The following DNAI4 variants were observed in gnomAD, a reference collection of about 807,000 sequenced individuals.
DNAI4 encodes the protein WD repeat domain 78.
A neutral mutation model predicts 105.8 loss-of-function variants in DNAI4; 85 were observed. That is an observed-to-expected ratio of 0.80 (90% CI 0.67 to 0.96). The LOEUF is 0.96. Among genes scored for constraint, DNAI4 ranks in the 40% least tolerant of loss-of-function variants. The pLI is 0.00. For missense variants in DNAI4, 1,014 were observed against 1,005.6 expected (o/e 1.01, Z -0.11); for synonymous variants, 352 against 331.5 (o/e 1.06, Z -0.67).
rs996215912 is a variant in DNAI4, at chr1:66,877,630, T to C, written c.644-2693A>G. ...ATTGCTATTTTATCATCATATAAAG[T>C]CCATATTTTATTCTAATTTCCTTAA... On this transcript the variant is annotated intron_variant, in intron 4 of 16. Transcript: ENST00000371026. Among the ~76,000 whole-genome samples the C allele has an allele frequency of 4.7e-4, 71 of 152,156 alleles. 4 individuals carry two copies.
chr1:66,913,258 A>C (rs1159161025), intron 1 of DNAI4, among the ~76,000 whole-genome samples: 1 of 152,168 alleles, frequency 6.6e-6, no homozygotes, highest in Non-Finnish European at 1.5e-5. Context: ...TAGAGTGCTC[A>C]GTGATGATGT....
intron 4 of DNAI4, among the ~76,000 whole-genome samples, chr1:66,875,568 G>A (rs1385057376): frequency 6.6e-6 from 1 of 152,100 alleles, no homozygotes; most frequent in Non-Finnish European, 1.5e-5. Context: ...AAATTCCATT[G>A]AGAATTGAGT....
Position 66,876,032 on chromosome 1 carries a change from T to C in DNAI4, c.644-1095A>G, listed in dbSNP as rs269400. Among the ~76,000 whole-genome samples the C allele has an allele frequency of 7.9e-3, 1,205 of 152,214 alleles. 15 individuals are homozygous for C. Among genetic ancestry groups the C allele is most frequent in the African/African-American group, 0.028 (1,159 of 41,556 alleles). On this transcript the variant is annotated intron_variant, in intron 4 of 16. Transcript: ENST00000371026. ...AGGTCAGGAAACAGAAAATTTTAAG[T>C]TGCAAATCTTCTTTAGTTTTGGGTG...
At chr1:66,873,084 T>C (rs893745780) in intron 5 of DNAI4, among the ~76,000 whole-genome samples, 6 of 152,154 alleles carry the variant, frequency 3.9e-5, no homozygotes, top group African/African-American at 1.2e-4. Flanking sequence ...ACATATTTTA[T>C]ATTCTATATC....
chr1:66,917,611 T>C (rs959177988), intron 1 of DNAI4, among the ~76,000 whole-genome samples: 2 of 152,262 alleles, frequency 1.3e-5, no homozygotes, highest in Non-Finnish European at 2.9e-5. Context: ...CTTTGTTTTT[T>C]AGTCTTCAAA....
chr1:66,818,988 A>T (rs1446650764), intron 16 of DNAI4, among the ~76,000 whole-genome samples: 1 of 152,052 alleles, frequency 6.6e-6, no homozygotes, highest in Non-Finnish European at 1.5e-5. Flanking sequence ...CCTATTGTAC[A>T]TGTGTAAGAT....
chr1:66,838,446 C>T (rs550592638), intron 9 of DNAI4, among the ~76,000 whole-genome samples: 6 of 152,338 alleles, frequency 3.9e-5, no homozygotes, highest in African/African-American at 1.4e-4. Context: ...GGATCTTAGA[C>T]TTTCCAGCCT....
At chr1:66,887,744 CG>C (rs1300111489) in intron 4 of DNAI4, among the ~76,000 whole-genome samples, 7 of 151,900 alleles carry the variant, frequency 4.6e-5, no homozygotes, top group Non-Finnish European at 1.0e-4. Context: ...GAGGCCAAGG[CG>C]GCGGATCACT....
At chr1:66,822,334 A>C in intron 16 of DNAI4, 27 bp downstream of exon 16, 2 of 1,572,522 alleles carry the variant, frequency 1.3e-6, no homozygotes, top group Non-Finnish European at 1.7e-6. Context: ...ATAAAATGAC[A>C]CAAATTTTTT....
chr1:66,857,961 A>G (rs184514435), intron 7 of DNAI4, among the ~76,000 whole-genome samples: 16 of 152,258 alleles, frequency 1.1e-4, no homozygotes, highest in South Asian at 8.3e-4. Context: ...AAACTCACTC[A>G]AGGAAAAATG....
intron 16 of DNAI4, among the ~76,000 whole-genome samples, chr1:66,819,346 T>C (rs1645578796): frequency 6.6e-6 from 1 of 152,212 alleles, no homozygotes; most frequent in Non-Finnish European, 1.5e-5. Flanking sequence ...CATTCTCTTA[T>C]TTTCCTTTTC....
chr1:66,888,252 A>G (rs1647310214), intron 4 of DNAI4, among the ~76,000 whole-genome samples: 1 of 152,066 alleles, frequency 6.6e-6, no homozygotes, highest in Non-Finnish European at 1.5e-5. Context: ...TTGAGACACA[A>G]CTATGGGAAT....
intron 3 of DNAI4, among the ~76,000 whole-genome samples, chr1:66,891,672 C>G (rs1476235070): frequency 2.0e-5 from 3 of 152,188 alleles, no homozygotes; most frequent in African/African-American, 4.8e-5. Context: ...CCATTTTGGC[C>G]AGGCTGGTCT....
Position 66,882,509 on chromosome 1 carries a change from GCTCT to G in DNAI4, c.644-7576_644-7573del, listed in dbSNP as rs145528588. 6.0e-5 allele frequency among the ~76,000 whole-genome samples: 9 copies of G among 150,448 alleles called. No homozygotes were observed. The South Asian group carries it at 6.3e-4, about 10-fold the overall frequency. The stretch of plus-strand genomic sequence containing the variant: ...AGTAAGATGTAAGGTCTGTGTCTAT[GCTCT>G]CTCTCTCTCTCTTTTTTTTTGCATA... On this transcript the variant is annotated intron_variant, in intron 4 of 16. Transcript: ENST00000371026.
chr1:66,906,346 C>G (rs1156334879), intron 1 of DNAI4, among the ~76,000 whole-genome samples: 1 of 152,082 alleles, frequency 6.6e-6, no homozygotes, highest in Non-Finnish European at 1.5e-5. Flanking sequence ...TTCTAGTACT[C>G]TGTAATATGG....
chr1:66,833,898 C>T (rs774413793), intron 12 of DNAI4, 93 bp downstream of exon 12: 17 of 1,461,654 alleles, frequency 1.2e-5, no homozygotes, highest in Non-Finnish European at 1.5e-5. Flanking sequence ...TTCTTATTGG[C>T]CAAACCAAAA....
At chr1:66,817,545 C>T (rs1452871104) in intron 16 of DNAI4, among the ~76,000 whole-genome samples, 1 of 151,768 alleles carries the variant, frequency 6.6e-6, no homozygotes, top group African/African-American at 2.4e-5. Flanking sequence ...TACACTCCAG[C>T]CTAGGCAAAA....
chr1:66,924,230 G>A (rs1650907446), intron 1 of DNAI4, among the ~76,000 whole-genome samples: 1 of 152,240 alleles, frequency 6.6e-6, no homozygotes, highest in Non-Finnish European at 1.5e-5. Context: ...GAGTGCAACG[G>A]CACGATCTCG....
intron 15 of DNAI4, among the ~76,000 whole-genome samples, chr1:66,823,837 A>C (rs1645688105): frequency 6.6e-6 from 1 of 150,674 alleles, no homozygotes. Flanking sequence ...AGGTTGTGAA[A>C]ATTTTCTCCC....
Sources: allele counts gnomAD v4.1 joint callset (sites outside exome capture counted in the v4.1 genomes callset), GRCh38; gene constraint gnomAD v4.1.1; transcripts MANE v1.5; gene names NCBI Gene and HGNC (gene_info 2026-07-23, HGNC 2026-07-21).